Variants in ZRANB3 observed in about 807,000 individuals in gnomAD.
ZRANB3 encodes the protein DNA annealing helicase and endonuclease ZRANB3.
In ZRANB3, 125 loss-of-function variants were observed where a neutral mutation model predicts 133.8. The ratio of observed to expected loss-of-function variants is 0.93; its 90% CI spans 0.81 to 1.08. The LOEUF is 1.08. Ranked by LOEUF, ZRANB3 falls within the 50% of genes least tolerant of loss-of-function variation. The probability of loss-of-function intolerance (pLI) is 0.00; values close to 1 mark genes in which losing one functional copy is unlikely to be tolerated. For synonymous variants in ZRANB3, 387 were observed against 432.7 expected, an observed-to-expected ratio of 0.89 and a Z score of 1.31; for missense variants, 1,229 against 1,275.5, an observed-to-expected ratio of 0.96 and a Z score of 0.56.
At chr2:135,386,680 G>A (rs923166656) in intron 3 of ZRANB3, among the ~76,000 whole-genome samples, 2 of 152,248 alleles carry the variant, frequency 1.3e-5, no homozygotes, top group African/African-American at 2.4e-5. Flanking sequence ...GGATAAGTTC[G>A]TGTCCTTTGC....
chr2:135,380,004 T>C (rs908608045), intron 3 of ZRANB3, among the ~76,000 whole-genome samples: 3 of 148,758 alleles, frequency 2.0e-5, no homozygotes, highest in South Asian at 4.2e-4. Flanking sequence ...AAAGCAGGGG[T>C]TGCAATCATA....
At chr2:135,291,206 T>C (rs1346417122) in intron 8 of ZRANB3, among the ~76,000 whole-genome samples, 1 of 148,726 alleles carries the variant, frequency 6.7e-6, no homozygotes, top group African/African-American at 2.5e-5. Flanking sequence ...TGAGACAGAG[T>C]CTCACTCTGT....
At chr2:135,382,775 C>G (rs1171017092) in intron 3 of ZRANB3, among the ~76,000 whole-genome samples, 1 of 152,136 alleles carries the variant, frequency 6.6e-6, no homozygotes, top group Non-Finnish European at 1.5e-5. Context: ...AAATCCTTTA[C>G]AGACAAGCAA....
chr2:135,393,631 G>A (rs1687345985), intron 2 of ZRANB3, among the ~76,000 whole-genome samples: 1 of 151,876 alleles, frequency 6.6e-6, no homozygotes, highest in Non-Finnish European at 1.5e-5. Flanking sequence ...AAGTGAAAAG[G>A]GAAACCAAGT....
chr2:135,276,187 T>G (rs1029413184), intron 8 of ZRANB3, among the ~76,000 whole-genome samples: 2 of 149,774 alleles, frequency 1.3e-5, no homozygotes, highest in Non-Finnish European at 3.0e-5. Context: ...AAAGGGAAGA[T>G]TGAAAACAGT....
chr2:135,275,631 C>T lies in ZRANB3; in HGVS notation c.1086+5G>A. The stretch of plus-strand genomic sequence containing the variant: ...AAAGTATTTAGTTAAAAAATGGCAA[C>T]ATACCTTATTTTCGATGACTGCTTC... On this transcript the variant is annotated splice_donor_5th_base_variant and intron_variant, in intron 9 of 20. Transcript: ENST00000264159. The T allele has an allele frequency of 6.4e-7, 1 of 1,572,440 alleles. No individual in the cohort carries two copies. Among genetic ancestry groups the T allele is most frequent in the Non-Finnish European group, 8.6e-7 (1 of 1,159,334 alleles).
chr2:135,405,983 A>G (rs1388371056), intron 2 of ZRANB3, among the ~76,000 whole-genome samples: 1 of 152,222 alleles, frequency 6.6e-6, no homozygotes, highest in African/African-American at 2.4e-5. Flanking sequence ...AGTAGAACTG[A>G]AGGACATAGA....
At chr2:135,436,988 C>T (rs1162155434) in intron 2 of ZRANB3, among the ~76,000 whole-genome samples, 2 of 152,228 alleles carry the variant, frequency 1.3e-5, no homozygotes, top group African/African-American at 2.4e-5. Flanking sequence ...GAGACGGAGT[C>T]TCGCTCTGTT....
At chr2:135,429,658 A>T (rs1166647870) in intron 2 of ZRANB3, among the ~76,000 whole-genome samples, 1 of 152,094 alleles carries the variant, frequency 6.6e-6, no homozygotes. Flanking sequence ...CATCTTCCAT[A>T]TTGGAGAGTT....
At chr2:135,374,387 C>T (rs1245932890) in intron 3 of ZRANB3, among the ~76,000 whole-genome samples, 1 of 151,896 alleles carries the variant, frequency 6.6e-6, no homozygotes, top group African/African-American at 2.4e-5. Flanking sequence ...GCCTGGGCGA[C>T]AGAGCAAGAC....
rs150299184 is a variant in ZRANB3 at position 135,302,649 on chromosome 2, C to T, written c.966+10840G>A. Among the ~76,000 whole-genome samples, 1,064 of 152,094 alleles carry T rather than the reference C, an allele frequency of 7.0e-3. 11 individuals carry two copies. Among genetic ancestry groups the T allele is most frequent in the African/African-American group, 0.024 (997 of 41,486 alleles). ...CAAGCGATTCTCCTGCCTCAACCTC[C>T]CAAGTACCTGGGACTACAGGCACGC... On this transcript the variant is annotated intron_variant, in intron 8 of 20. Coordinates refer to ENST00000264159, the MANE Select transcript of ZRANB3 (RefSeq NM_032143.4).
Position 135,197,420 on chromosome 2 carries a change from G to A in ZRANB3, c.*2922C>T, listed in dbSNP as rs2105026969. ...TCTGAAGAAGGGATTTGGTTTATTA[G>A]CAAGATGTATGGGCATAAAATCCTT... is the stretch of plus-strand genomic sequence containing the variant. On this transcript the variant is annotated 3_prime_UTR_variant, in exon 21 of 21. Coordinates refer to ENST00000264159, the MANE Select transcript of ZRANB3 (RefSeq NM_032143.4). 1 of 152,308 alleles carries A rather than the reference G, an allele frequency of 6.6e-6. No individual in the cohort carries two copies. Among genetic ancestry groups the A allele is most frequent in the Middle Eastern group, 3.4e-3 (1 of 294 alleles). The allele number at this position is 152,308 out of a possible 1,614,324, so 9.4% of individuals were successfully genotyped here. A position where few individuals can be genotyped will look rare whatever the true frequency, so the allele number is the denominator to read the frequency against.
chr2:135,264,793 C>G (rs2105111628), intron 12 of ZRANB3, among the ~76,000 whole-genome samples: 1 of 151,424 alleles, frequency 6.6e-6, no homozygotes, highest in East Asian at 1.9e-4. Context: ...ATCGCCCAGC[C>G]TGGAGTGCAG....
At chr2:135,239,253 G>A (rs1695442155) in intron 12 of ZRANB3, among the ~76,000 whole-genome samples, 1 of 152,116 alleles carries the variant, frequency 6.6e-6, no homozygotes, top group African/African-American at 2.4e-5. Flanking sequence ...GAGGGGAAGG[G>A]GAAATGGAGA....
At chr2:135,415,272 G>T (rs1688511313) in intron 2 of ZRANB3, among the ~76,000 whole-genome samples, 3 of 151,368 alleles carry the variant, frequency 2.0e-5, no homozygotes, top group South Asian at 4.3e-4. Context: ...TGATAAAGGG[G>T]ATATCACCAC....
intron 2 of ZRANB3, among the ~76,000 whole-genome samples, chr2:135,473,747 T>C (rs2104783288): frequency 6.6e-6 from 1 of 152,318 alleles, no homozygotes; most frequent in Middle Eastern, 3.4e-3. Flanking sequence ...TATGACACAA[T>C]GGCCATCTTT....
At chr2:135,494,061 A>AGGAT (rs1692539093) in intron 2 of ZRANB3, among the ~76,000 whole-genome samples, 1 of 150,226 alleles carries the variant, frequency 6.7e-6, no homozygotes, top group South Asian at 2.1e-4. Context: ...GTCCATCTGA[A>AGGAT]GGATGGATGG....
chr2:135,478,115 T>G (rs533174642), intron 2 of ZRANB3, among the ~76,000 whole-genome samples: 124 of 152,202 alleles, frequency 8.1e-4, no homozygotes, highest in African/African-American at 2.7e-3. Flanking sequence ...TTTTGATAAA[T>G]TACCTAAAAT....
chr2:135,404,033 C>CA (rs1244148186), intron 2 of ZRANB3, among the ~76,000 whole-genome samples: 2 of 152,174 alleles, frequency 1.3e-5, no homozygotes, highest in Non-Finnish European at 2.9e-5. Flanking sequence ...GAAACTCTAA[C>CA]AATCAGAGCG....
Sources: gnomAD v4.1 joint callset for allele counts (sites outside exome capture counted in the v4.1 genomes callset) on GRCh38, gnomAD v4.1.1 for gene constraint, MANE v1.5 for transcripts, NCBI Gene and HGNC (gene_info 2026-07-23, HGNC 2026-07-21) for gene names.